Variants in SH2D4B observed in about 807,000 individuals in gnomAD.
SH2D4B encodes SH2 domain-containing protein 4B.
A neutral mutation model predicts 61.5 loss-of-function variants in SH2D4B; 45 were observed. The ratio of observed to expected loss-of-function variants is 0.73; its 90% confidence interval spans 0.58 to 0.94. SH2D4B has a LOEUF of 0.94. Among genes scored for constraint, SH2D4B ranks in the 40% least tolerant of loss-of-function variants. The pLI, the probability that SH2D4B is intolerant of heterozygous loss-of-function variation, is 0.00. For missense variants in SH2D4B, 572 were observed against 574.2 expected, an observed-to-expected ratio of 1.00 and a Z score of 0.04; for synonymous variants, 224 against 220.4, an observed-to-expected ratio of 1.02 and a Z score of -0.14.
At chr10:80,615,760 A>T (rs74802588) in intron 6 of SH2D4B, among the ~76,000 whole-genome samples, 5,443 of 152,272 alleles carry the variant, frequency 0.036, 307 homozygotes, top group African/African-American at 0.12. Context: ...GACAGTTAAG[A>T]TGGGGTTCTT....
chr10:80,553,481 G>C lies in SH2D4B; in HGVS notation c.184+14966G>C, dbSNP rs546762230. 5.9e-5 allele frequency among the ~76,000 whole-genome samples: 9 copies of C among 152,338 alleles called. No individual in the cohort carries two copies. In the East Asian group the frequency reaches 1.7e-3, roughly 29 times the overall value. ...CTCTGTATTGAACAAATTGCAGACA[G>C]GGAAGTAGGGGTTGGAGGTGGGGCG... On this transcript the variant is annotated intron_variant, in intron 1 of 7. Transcript: ENST00000646907.
At chr10:80,639,263 T>C (rs554956914) in intron 7 of SH2D4B, among the ~76,000 whole-genome samples, 1 of 152,334 alleles carries the variant, frequency 6.6e-6, no homozygotes, top group Non-Finnish European at 1.5e-5. Flanking sequence ...GTATATTCTG[T>C]TGATTTGGGA....
intron 4 of SH2D4B, among the ~76,000 whole-genome samples, chr10:80,594,490 T>C (rs1842364559): frequency 6.6e-6 from 1 of 152,236 alleles, no homozygotes; most frequent in Non-Finnish European, 1.5e-5. Flanking sequence ...AGGGTAATAC[T>C]AGCCTCAAAG....
chr10:80,585,326 C>CTT lies in SH2D4B; in HGVS notation c.496-3291_496-3290dup, dbSNP rs35967768. ...AAGGATGGCACAGACTCCTCTTTTT[C>CTT]TTTTTTTTTTTTTTGAGATGGAGAG... On this transcript the variant is annotated intron_variant, in intron 3 of 7. Transcript: ENST00000646907. Among the ~76,000 whole-genome samples the CTT allele has an allele frequency of 2.5e-3, 352 of 142,320 alleles. 5 individuals carry two copies. Among genetic ancestry groups the CTT allele is most frequent in the African/African-American group, 7.8e-3 (302 of 38,518 alleles). The allele number at this position is 142,320 out of a possible 152,430, so 93.4% of individuals were successfully genotyped here.
intron 1 of SH2D4B, among the ~76,000 whole-genome samples, chr10:80,541,441 T>C (rs80334934): frequency 6.6e-6 from 1 of 152,214 alleles, no homozygotes; most frequent in Non-Finnish European, 1.5e-5. Flanking sequence ...ACATTTTTTT[T>C]CTGAAGGAAG....
intron 1 of SH2D4B, among the ~76,000 whole-genome samples, chr10:80,565,907 G>A (rs1841960905): frequency 6.6e-6 from 1 of 151,678 alleles, no homozygotes; most frequent in African/African-American, 2.4e-5. Flanking sequence ...TGGCTAACAC[G>A]GTGAAACCCC....
At position 80,538,505 on chromosome 10, in the gene SH2D4B, G is replaced by A. The variant is rs773613968; in HGVS notation, c.174G>A (p.Lys58=). The change falls in exon 1 of 8, where the codon AAG becomes AAA. Residue 58 remains lysine, a synonymous_variant. Coordinates refer to ENST00000646907, the MANE Select transcript of SH2D4B (RefSeq NM_001388272.1). This position sits in a 1 kb window ranked among gnomAD's most constrained non-coding sequence, Gnocchi z 4.8. ...AGGACGAGGGTCTCAGGCCTCCAAA[G>A]ACCAAGCGAGGTACGTGGCTGGGAG... ...LAQDEGLRPP[K]TKRAASDKHI... is the part of the protein sequence containing the mutation. 1.4e-6 allele frequency: 2 copies of A among 1,400,416 alleles called. No homozygotes were observed. Among genetic ancestry groups the A allele is most frequent in the East Asian group, 5.3e-5 (2 of 37,434 alleles). The allele number at this position is 1,400,416 out of a possible 1,614,324, so 86.7% of individuals were successfully genotyped here.
intron 4 of SH2D4B, among the ~76,000 whole-genome samples, chr10:80,602,208 C>T (rs1842458084): frequency 6.6e-6 from 1 of 152,058 alleles, no homozygotes; most frequent in South Asian, 2.1e-4. Flanking sequence ...CTCTTATAAC[C>T]CCAGTACTCT....
At chr10:80,566,046 G>A (rs1047519648) in intron 1 of SH2D4B, among the ~76,000 whole-genome samples, 4 of 128,462 alleles carry the variant, frequency 3.1e-5, no homozygotes, top group South Asian at 2.6e-4. Flanking sequence ...AGCTGAGATC[G>A]CGCCACTGCA....
At chr10:80,571,776 C>CTTTTTTTTTTT (rs11394733) in intron 3 of SH2D4B, among the ~76,000 whole-genome samples, 198 bp downstream of exon 3, 1 of 135,632 alleles carries the variant, frequency 7.4e-6, no homozygotes, top group African/African-American at 2.7e-5. Context: ...TTTTTTTTTT[C>CTTTTTTTTTTT]TTTTTTTTTT....
chr10:80,592,634 C>T (rs1842342216), intron 4 of SH2D4B, among the ~76,000 whole-genome samples: 1 of 152,020 alleles, frequency 6.6e-6, no homozygotes, highest in South Asian at 2.1e-4. Flanking sequence ...ACTATTCTTT[C>T]TCCATTGGAT....
intron 6 of SH2D4B, among the ~76,000 whole-genome samples, chr10:80,616,587 A>G (rs1842663405): frequency 8.9e-6 from 1 of 111,886 alleles, no homozygotes; most frequent in East Asian, 3.5e-4. Flanking sequence ...CAAGCCTCGC[A>G]TCCTGTATGG....
At chr10:80,550,085 G>A (rs925660262) in intron 1 of SH2D4B, among the ~76,000 whole-genome samples, 2 of 151,960 alleles carry the variant, frequency 1.3e-5, no homozygotes, top group African/African-American at 4.8e-5. Flanking sequence ...CGGGGGGTGG[G>A]GGAAAGGGGT....
intron 1 of SH2D4B, among the ~76,000 whole-genome samples, chr10:80,562,018 C>G (rs1446412697): frequency 6.9e-6 from 1 of 145,848 alleles, no homozygotes; most frequent in Non-Finnish European, 1.5e-5. Context: ...AGGCCACTCA[C>G]TCTTCCAATT....
chr10:80,607,396 G>C (rs994790793), intron 5 of SH2D4B: 4 of 152,306 alleles, frequency 2.6e-5, no homozygotes, highest in African/African-American at 9.7e-5. Context: ...GTGAGGACTG[G>C]GAACACAGGC....
rs188527880 is a variant in SH2D4B at position 80,631,959 on chromosome 10, A to G, written c.989-2326A>G. 3.5e-3 allele frequency among the ~76,000 whole-genome samples: 530 copies of G among 152,252 alleles called. 14 individuals carry two copies. Among genetic ancestry groups the G allele is most frequent in the Non-Finnish European group, 9.4e-4 (64 of 68,012 alleles). On this transcript the variant is annotated intron_variant, in intron 6 of 7. Transcript: ENST00000646907. ...GAGAGTTTTTGTTTGTTTGTTTGAG[A>G]CGGGGTCTTGCTCTGTCACCCAGGC...
chr10:80,581,927 C>T (rs1842189611), intron 3 of SH2D4B, among the ~76,000 whole-genome samples: 1 of 152,190 alleles, frequency 6.6e-6, no homozygotes, highest in Non-Finnish European at 1.5e-5. Flanking sequence ...AAGGAGATAA[C>T]TGTGCATTTT....
In SH2D4B at chr10:80,577,923, C is replaced by G. The variant is rs376113107; in HGVS notation, c.495+6345C>G. Among the ~76,000 whole-genome samples the G allele has an allele frequency of 9.2e-5, 14 of 152,174 alleles. No individual in the cohort carries two copies. In the East Asian group the frequency reaches 2.7e-3, roughly 29 times the overall value. ...CAGTAGACAACCAAAAACAGCTTCA[C>G]CAAGGGATTTATGCATTGGGTTAGA... On this transcript the variant is annotated intron_variant, in intron 3 of 7. Transcript: ENST00000646907.
At position 80,571,866 on chromosome 10, in the gene SH2D4B, G is replaced by A. The variant is rs559456778; in HGVS notation, c.495+288G>A. On this transcript the variant is annotated intron_variant, in intron 3 of 7. Coordinates refer to ENST00000646907, the MANE Select transcript of SH2D4B (RefSeq NM_001388272.1). ...CGGCTCACTGCAAGCTCTGCCTCCC[G>A]GGTTCACGCCATTCTCCTACCTCAG... Among the ~76,000 whole-genome samples the A allele has an allele frequency of 1.2e-4, 18 of 149,194 alleles. No homozygotes were observed. The East Asian group carries it at 3.4e-3, about 28-fold the overall frequency.
Sources: allele counts gnomAD v4.1 joint callset (sites outside exome capture counted in the v4.1 genomes callset), GRCh38; gene constraint gnomAD v4.1.1; non-coding constraint Gnocchi (gnomAD v3.1); transcripts MANE v1.5; gene names NCBI Gene and HGNC (gene_info 2026-07-23, HGNC 2026-07-21).